AR: variants seen among roughly 807,000 people sequenced by gnomAD.
AR encodes the protein androgen receptor, also known as dihydrotestosterone receptor.
Under a neutral mutation model 53.9 loss-of-function variants are expected in AR, and 8 were observed. The ratio of observed to expected loss-of-function variants is 0.15; its 90% CI spans 0.09 to 0.27. The LOEUF is 0.27. AR is among the 10% of genes least tolerant of loss of function. The pLI is 1.00. For missense variants in AR, 639 were observed against 742.5 expected (o/e 0.86, Z 1.62); for synonymous variants, 359 against 316.4 (o/e 1.13, Z -1.43).
chrX:67,555,822 G>A (rs1921025655), intron 1 of AR, among the ~76,000 whole-genome samples: 1 of 112,369 alleles, frequency 8.9e-6, no homozygotes, highest in Non-Finnish European at 1.9e-5. Flanking sequence ...GGATTTCCCT[G>A]GGAATGGTGA....
At chrX:67,637,746 A>C (rs1477285619) in intron 1 of AR, among the ~76,000 whole-genome samples, 2 of 111,336 alleles carry the variant, frequency 1.8e-5, no homozygotes, top group Non-Finnish European at 3.8e-5. Context: ...ATTGAACAGC[A>C]ACACTCCATT....
At chrX:67,596,776 G>C (rs1167781623) in intron 1 of AR, among the ~76,000 whole-genome samples, 1 of 112,292 alleles carries the variant, frequency 8.9e-6, no homozygotes, top group Non-Finnish European at 1.9e-5. Flanking sequence ...ACTCTCACTT[G>C]AAAAGACATG....
chrX:67,655,033 G>C (rs1216023609), intron 2 of AR, among the ~76,000 whole-genome samples: 1 of 105,871 alleles, frequency 9.4e-6, no homozygotes, highest in Non-Finnish European at 1.9e-5. Flanking sequence ...TATTCATTCT[G>C]CTTCCCATAG....
chrX:67,706,422 A>G lies in AR; in HGVS notation c.1886-4980A>G, dbSNP rs1414260635. ...TTTATCCATTTCTTCTAGATTTTCT[A>G]GTTTATTTGCATAGAGGTATTTATA... On this transcript the variant is annotated intron_variant, in intron 3 of 7. Coordinates refer to ENST00000374690, the MANE Select transcript of AR (RefSeq NM_000044.6). Among the ~76,000 whole-genome samples, 5 of 111,840 alleles carry G rather than the reference A, an allele frequency of 4.5e-5. No homozygotes were observed. The East Asian group carries it at 1.4e-3, about 31-fold the overall frequency.
At chrX:67,643,153 T>C in intron 1 of AR, 103 bp from the exon 2 acceptor site, 1 of 978,865 alleles carries the variant, frequency 1.0e-6, no homozygotes, top group Non-Finnish European at 1.5e-6. Flanking sequence ...CAATGAATAA[T>C]AGTCATTTAT....
intron 3 of AR, among the ~76,000 whole-genome samples, chrX:67,705,085 C>T (rs1390661615): frequency 9.0e-6 from 1 of 111,412 alleles, no homozygotes. Context: ...AGCGTGATAC[C>T]TCCAGCTTTG....
At chrX:67,566,987 A>G (rs1055035579) in intron 1 of AR, among the ~76,000 whole-genome samples, 1 of 111,351 alleles carries the variant, frequency 9.0e-6, no homozygotes, top group Non-Finnish European at 1.9e-5. Context: ...TAGTATAGTA[A>G]CTTGGTAGTT....
chrX:67,667,458 G>T (rs2147472038), intron 2 of AR, among the ~76,000 whole-genome samples: 1 of 111,554 alleles, frequency 9.0e-6, no homozygotes, highest in South Asian at 3.7e-4. Flanking sequence ...GGTTGCAAAA[G>T]CTCTGTAGTA....
At chrX:67,602,918 C>T (rs973690704) in intron 1 of AR, among the ~76,000 whole-genome samples, 1 of 111,941 alleles carries the variant, frequency 8.9e-6, no homozygotes, top group Admixed American at 9.5e-5. Context: ...GGCATTTATC[C>T]TCTCATGATT....
chrX:67,629,988 C>T (rs1053380143), intron 1 of AR, among the ~76,000 whole-genome samples: 11 of 111,403 alleles, frequency 9.9e-5, no homozygotes, highest in Non-Finnish European at 1.7e-4. Flanking sequence ...TTTGATTGCA[C>T]GGTGGTCTGA....
intron 1 of AR, among the ~76,000 whole-genome samples, chrX:67,558,435 T>G (rs1278356280): frequency 4.5e-5 from 5 of 111,722 alleles, no homozygotes; most frequent in Non-Finnish European, 9.4e-5. Context: ...GAAGTCTGGC[T>G]TCTAACCACA....
At chrX:67,681,094 A>C (rs2075930975) in intron 2 of AR, 1 of 132,843 alleles carries the variant, frequency 7.5e-6, no homozygotes, top group African/African-American at 3.2e-5. Context: ...GGCCTTACCT[A>C]CTTCAACATG....
At chrX:67,659,107 A>G (rs967637192) in intron 2 of AR, among the ~76,000 whole-genome samples, 1 of 111,274 alleles carries the variant, frequency 9.0e-6, no homozygotes, top group African/African-American at 3.3e-5. Flanking sequence ...ATGTTAGAAT[A>G]GAAAATAAAA....
intron 2 of AR, among the ~76,000 whole-genome samples, chrX:67,676,853 C>T (rs73227884): frequency 5.9e-3 from 664 of 111,790 alleles, no homozygotes; most frequent in Non-Finnish European, 8.5e-3. Context: ...AGGGTGTCTC[C>T]GTTGTCTTTA....
At chrX:67,655,464 A>G (rs1926542490) in intron 2 of AR, among the ~76,000 whole-genome samples, 1 of 111,425 alleles carries the variant, frequency 9.0e-6, no homozygotes, top group South Asian at 3.8e-4. Context: ...GACAATGACT[A>G]GCCAGCAAGT....
rs775414549 is a variant in AR, at chrX:67,569,061, C to G, written c.1616+22299C>G. ...CAATTGAAAACTTAGAACTCAGTTT[C>G]TAGGGTAGTGAGTGTTGTAAGGTTT... On this transcript the variant is annotated intron_variant, in intron 1 of 7. Transcript: ENST00000374690. The G allele has an allele frequency of 2.5e-6, 3 of 1,188,375 alleles. No homozygotes were observed. The African/African-American group carries it at 5.3e-5, about 21-fold the overall frequency.
chrX:67,544,174 C>T lies in AR; in HGVS notation c.-973C>T, dbSNP rs1929597042. 5.9e-6 allele frequency: 1 copy of T among 170,667 alleles called. No homozygotes were observed. The highest frequency in any genetic ancestry group is 1.1e-5 in the Non-Finnish European group (1 of 88,750). 14.1% of individuals were successfully genotyped at this position (170,667 alleles called of 1,213,427 possible). ...CCGAAGGGACGCACCACGCCAGCCC[C>T]AGCCCGGCTCCAGCGACAGCCAACG... On this transcript the variant is annotated 5_prime_UTR_variant, in exon 1 of 8. Transcript: ENST00000374690.
intron 3 of AR, among the ~76,000 whole-genome samples, chrX:67,687,843 A>G (rs781543866): frequency 8.9e-6 from 1 of 112,234 alleles, no homozygotes; most frequent in Admixed American, 9.4e-5. Flanking sequence ...AAAAGTCCTC[A>G]TAACATTTGG....
At chrX:67,592,619 T>C (rs1445233170) in intron 1 of AR, among the ~76,000 whole-genome samples, 11 of 100,864 alleles carry the variant, frequency 1.1e-4, no homozygotes, top group South Asian at 5.4e-4. Flanking sequence ...TCTTTTCTTG[T>C]TTTAGGAATA....
Sources: gnomAD v4.1 joint callset for allele counts (sites outside exome capture counted in the v4.1 genomes callset) on GRCh38, gnomAD v4.1.1 for gene constraint, MANE v1.5 for transcripts, NCBI Gene and HGNC (gene_info 2026-07-23, HGNC 2026-07-21) for gene names.